The following SH3D19 variants were observed in gnomAD, a reference collection of about 807,000 sequenced individuals.
The protein encoded by SH3D19 is SH3 domain-containing protein 19.
Under a neutral mutation model 112.1 loss-of-function variants are expected in SH3D19, and 58 were observed. That is an observed-to-expected ratio of 0.52 (90% CI 0.42 to 0.64). The LOEUF is 0.64. Among genes scored for constraint, SH3D19 ranks in the 30% least tolerant of loss-of-function variants. The probability of loss-of-function intolerance (pLI) is 0.00; values close to 1 mark genes in which losing one functional copy is unlikely to be tolerated. For missense variants in SH3D19, 1,090 were observed against 1,263.4 expected, an observed-to-expected ratio of 0.86 and a Z score of 2.08; for synonymous variants, 391 against 448.5, an observed-to-expected ratio of 0.87 and a Z score of 1.62.
chr4:151,258,539 A>C (rs1304207038), intron 1 of SH3D19, among the ~76,000 whole-genome samples: 1 of 152,218 alleles, frequency 6.6e-6, no homozygotes, highest in East Asian at 1.9e-4. Context: ...GTCACTAAGC[A>C]CTGAGCGAGC....
At chr4:151,197,703 T>G (rs540395190) in intron 2 of SH3D19, among the ~76,000 whole-genome samples, 2 of 152,062 alleles carry the variant, frequency 1.3e-5, no homozygotes, top group African/African-American at 2.4e-5. Flanking sequence ...AGAAAAAAGG[T>G]GAGAAACATG....
intron 8 of SH3D19, among the ~76,000 whole-genome samples, chr4:151,162,697 C>T (rs1757370502): frequency 2.0e-5 from 3 of 148,714 alleles, no homozygotes; most frequent in East Asian, 4.0e-4. Flanking sequence ...TGGGTTTAGG[C>T]GATTCTCCTG....
chr4:151,284,289 A>G (rs1774528676), intron 1 of SH3D19, among the ~76,000 whole-genome samples: 1 of 152,076 alleles, frequency 6.6e-6, no homozygotes, highest in Non-Finnish European at 1.5e-5. Flanking sequence ...TTCAAATTGG[A>G]TATTTTTAAA....
chr4:151,270,421 T>A (rs1773151990), intron 1 of SH3D19, among the ~76,000 whole-genome samples: 1 of 152,220 alleles, frequency 6.6e-6, no homozygotes, highest in African/African-American at 2.4e-5. Context: ...CCTTCTTCCA[T>A]GATTGGAAGC....
rs60600816 is a variant in SH3D19, at chr4:151,273,589, C to CAAAAAAAAAAA, written c.113-47514_113-47504dup. On this transcript the variant is annotated intron_variant, in intron 1 of 19. Transcript: ENST00000604030. ...TGGGCGACAGAGCGAGACTCCATCTCAAAAAAAAAAAAAAAAAAAAAAAAA... is the reference window on the plus strand; with the variant it reads ...TGGGCGACAGAGCGAGACTCCATCTCAAAAAAAAAAAAAAAAAAAAAAAAAAAAAAAAAAAA... 7.6e-4 allele frequency among the ~76,000 whole-genome samples: 49 copies of CAAAAAAAAAAA among 64,626 alleles called. No homozygotes were observed. The East Asian group carries it at 9.4e-3, about 12-fold the overall frequency. The allele number at this position is 64,626 out of a possible 152,430, so 42.4% of individuals were successfully genotyped here. A position where few individuals can be genotyped will look rare whatever the true frequency, so the allele number is the denominator to read the frequency against.
chr4:151,306,806 T>G (rs1034033254), intron 1 of SH3D19, among the ~76,000 whole-genome samples: 1 of 152,230 alleles, frequency 6.6e-6, no homozygotes, highest in Admixed American at 6.5e-5. Flanking sequence ...CTGAAGAGGC[T>G]GTCAAATGGT....
Position 151,165,664 on chromosome 4 carries a change from T to C in SH3D19, c.1567A>G (p.Ile523Val), listed in dbSNP as rs1273528888. ...GCTGGTTGAACTGCTCGTTCTTTTA[T>C]TGGTTCTGTTTTTGCAGGGAGCTGA... ...PFQLPAKTEP[I>V]KERAVQPAPT... Residue 523 changes from isoleucine to valine, a missense_variant, in exon 8 of 20, where the codon ATA becomes GTA. Physicochemically the swap from Ile to Val is conservative, Grantham distance 29. Transcript: ENST00000604030. 1.9e-6 allele frequency: 3 copies of C among 1,614,216 alleles called. No individual in the cohort carries two copies. The highest frequency in any genetic ancestry group is 3.3e-5 in the Admixed American group (2 of 60,024).
At chr4:151,230,330 A>G (rs891187806) in intron 1 of SH3D19, among the ~76,000 whole-genome samples, 1 of 152,234 alleles carries the variant, frequency 6.6e-6, no homozygotes, top group Non-Finnish European at 1.5e-5. Flanking sequence ...TGCAAATGCC[A>G]TCTTTGCTTT....
At chr4:151,183,383 C>CA (rs1432518316) in intron 3 of SH3D19, among the ~76,000 whole-genome samples, 1 of 152,152 alleles carries the variant, frequency 6.6e-6, no homozygotes, top group African/African-American at 2.4e-5. Flanking sequence ...GTATTACCAC[C>CA]AATAAAGAAT....
intron 1 of SH3D19, among the ~76,000 whole-genome samples, chr4:151,234,866 C>T (rs1212551825): frequency 2.0e-5 from 3 of 150,574 alleles, no homozygotes; most frequent in Admixed American, 2.0e-4. Context: ...CACCTCGCCT[C>T]CCCAGTAGCT....
chr4:151,282,025 G>C, intron 1 of SH3D19: 1 of 945,666 alleles, frequency 1.1e-6, no homozygotes, highest in Non-Finnish European at 1.6e-6. Context: ...GAAGTTGGAA[G>C]CACCATGGTT....
chr4:151,286,689 C>T (rs576323404), intron 1 of SH3D19, among the ~76,000 whole-genome samples: 1 of 151,482 alleles, frequency 6.6e-6, no homozygotes, highest in South Asian at 2.1e-4. Context: ...AATAATTAAT[C>T]CCAATTCTGG....
At chr4:151,190,934 C>T (rs999290648) in intron 2 of SH3D19, among the ~76,000 whole-genome samples, 11 of 152,168 alleles carry the variant, frequency 7.2e-5, no homozygotes, top group Admixed American at 3.3e-4. Context: ...CAACGCCAGC[C>T]GTGAAAGCAG....
rs544557665 is a variant in SH3D19 at position 151,127,940 on chromosome 4, C to T, written c.2930-225G>A. On this transcript the variant is annotated intron_variant, in intron 18 of 19. Transcript: ENST00000604030. ...ATGTTCTTTTAGCAGGGAAAAATTA[C>T]GTAAACTATATTTATTAGATGGAAT... is the stretch of plus-strand genomic sequence containing the variant. 3.1e-4 allele frequency among the ~76,000 whole-genome samples: 47 copies of T among 152,224 alleles called. 1 individual carries two copies. Among genetic ancestry groups the T allele is most frequent in the Admixed American group, 1.7e-3 (26 of 15,286 alleles).
chr4:151,259,198 A>G (rs1772179051), intron 1 of SH3D19, among the ~76,000 whole-genome samples: 1 of 151,956 alleles, frequency 6.6e-6, no homozygotes, highest in African/African-American at 2.4e-5. Context: ...ACTCAAGACA[A>G]ATATTGTACC....
intron 1 of SH3D19, among the ~76,000 whole-genome samples, chr4:151,229,496 T>TCA (rs1015982298): frequency 6.6e-6 from 1 of 151,506 alleles, no homozygotes; most frequent in Non-Finnish European, 1.5e-5. Context: ...TAGATATGTA[T>TCA]CACACACACA....
At chr4:151,122,812 T>G (rs920231545) in intron 19 of SH3D19, among the ~76,000 whole-genome samples, 17 of 151,778 alleles carry the variant, frequency 1.1e-4, no homozygotes, top group Non-Finnish European at 1.9e-4. Context: ...ACCAAAGTCC[T>G]AGAGATGAGT....
intron 3 of SH3D19, among the ~76,000 whole-genome samples, chr4:151,180,462 A>G (rs1439570887): frequency 7.3e-6 from 1 of 136,138 alleles, no homozygotes; most frequent in Non-Finnish European, 1.5e-5. Flanking sequence ...GCTGGAGTGC[A>G]GTGGCGCGAT....
At chr4:151,247,073 TTTC>T (rs1258434297) in intron 1 of SH3D19, among the ~76,000 whole-genome samples, 1 of 152,220 alleles carries the variant, frequency 6.6e-6, no homozygotes. Flanking sequence ...GTGTATTACT[TTTC>T]TTATTTTTCT....
Sources: allele counts gnomAD v4.1 joint callset (sites outside exome capture counted in the v4.1 genomes callset), GRCh38; gene constraint gnomAD v4.1.1; transcripts MANE v1.5; gene names NCBI Gene and HGNC (gene_info 2026-07-23, HGNC 2026-07-21).